The following POU6F2 variants were observed in gnomAD, a reference collection of about 807,000 sequenced individuals.
POU6F2 encodes POU class 6 homeobox 2, also known as POU domain, class 6, transcription factor 2.
A neutral mutation model predicts 71.3 loss-of-function variants in POU6F2; 31 were observed. The ratio of observed to expected loss-of-function variants is 0.43; its 90% CI spans 0.33 to 0.59. The LOEUF is 0.59. Ranked by LOEUF, POU6F2 falls within the 20% of genes least tolerant of loss-of-function variation. The pLI, the probability that POU6F2 is intolerant of heterozygous loss-of-function variation, is 0.04. For missense variants in POU6F2, 783 were observed against 856.8 expected, an observed-to-expected ratio of 0.91 and a Z score of 1.07; for synonymous variants, 347 against 355.7, an observed-to-expected ratio of 0.98 and a Z score of 0.27.
intron 2 of POU6F2, among the ~76,000 whole-genome samples, chr7:39,188,285 G>C (rs1562738895): frequency 2.0e-5 from 3 of 152,174 alleles, no homozygotes; most frequent in African/African-American, 7.2e-5. Context: ...GCACAAGTCA[G>C]TCAGATTCTA....
chr7:39,263,675 A>G (rs1269458614), intron 4 of POU6F2, among the ~76,000 whole-genome samples: 1 of 34,552 alleles, frequency 2.9e-5, no homozygotes, highest in Non-Finnish European at 7.1e-5. Flanking sequence ...ACACACACGC[A>G]CACACACACA....
intron 6 of POU6F2, among the ~76,000 whole-genome samples, chr7:39,431,994 C>T (rs1243613432): frequency 2.6e-5 from 4 of 152,160 alleles, no homozygotes; most frequent in Admixed American, 6.5e-5. Flanking sequence ...GCCAGTGCCA[C>T]GTCGCTTCTC....
rs1489962609 is a variant in POU6F2 at position 38,998,600 on chromosome 7, C to A, written c.105+20542C>A. Among the ~76,000 whole-genome samples the A allele has an allele frequency of 2.6e-5, 4 of 151,090 alleles. No individual in the cohort carries two copies. The East Asian group carries it at 7.7e-4, about 29-fold the overall frequency. ...CATGTTCTGTAAAGTATTTTCAATG[C>A]AAGGAGAATTTTAGGAAAATTTAAG... is the stretch of plus-strand genomic sequence containing the variant. On this transcript the variant is annotated intron_variant, in intron 1 of 9. Coordinates refer to ENST00000518318, the MANE Select transcript of POU6F2 (RefSeq NM_001370959.1).
At chr7:38,999,622 A>C (rs527501234) in intron 1 of POU6F2, among the ~76,000 whole-genome samples, 1 of 152,298 alleles carries the variant, frequency 6.6e-6, no homozygotes, top group African/African-American at 2.4e-5. Flanking sequence ...CAGAGGTGAC[A>C]ACTGTACAAT....
At chr7:39,079,889 T>C (rs959919853) in intron 1 of POU6F2, among the ~76,000 whole-genome samples, 1 of 152,230 alleles carries the variant, frequency 6.6e-6, no homozygotes, top group African/African-American at 2.4e-5. Flanking sequence ...AATTTTTGTC[T>C]GTTGAATATT....
chr7:39,254,617 A>G (rs1226792247), intron 4 of POU6F2, among the ~76,000 whole-genome samples: 1 of 152,138 alleles, frequency 6.6e-6, no homozygotes, highest in Non-Finnish European at 1.5e-5. Flanking sequence ...CTCCTTAGCA[A>G]ACTGTAGGAC....
chr7:39,081,124 A>T (rs1791110500), intron 1 of POU6F2, among the ~76,000 whole-genome samples: 1 of 152,352 alleles, frequency 6.6e-6, no homozygotes. Context: ...AGTATATAGT[A>T]AATCATATAT....
At chr7:39,176,632 T>C (rs1011928755) in intron 2 of POU6F2, among the ~76,000 whole-genome samples, 1 of 152,212 alleles carries the variant, frequency 6.6e-6, no homozygotes, top group African/African-American at 2.4e-5. Flanking sequence ...TTTTACATCA[T>C]GGCCTTCAAA....
rs200295432 is a variant in POU6F2 at position 39,020,525 on chromosome 7, A to G, written c.105+42467A>G. Among the ~76,000 whole-genome samples the G allele has an allele frequency of 3.3e-5, 5 of 152,268 alleles. No homozygotes were observed. The South Asian group carries it at 6.2e-4, about 19-fold the overall frequency. ...TCATTGCATTGCAGTCTCATCCATG[A>G]GTCCTTTTCATTACTTTATGTGGAA... On this transcript the variant is annotated intron_variant, in intron 1 of 9. Coordinates refer to ENST00000518318, the MANE Select transcript of POU6F2 (RefSeq NM_001370959.1).
At chr7:39,393,376 A>G (rs10951603) in intron 5 of POU6F2, among the ~76,000 whole-genome samples, 84,760 of 151,898 alleles carry the variant, frequency 0.56, 24,311 homozygotes, top group East Asian at 0.76. Flanking sequence ...TGTGGCAGAT[A>G]CTCCTGGAAT....
intron 5 of POU6F2, among the ~76,000 whole-genome samples, chr7:39,367,866 A>C (rs981955754): frequency 3.3e-5 from 5 of 152,174 alleles, no homozygotes; most frequent in African/African-American, 1.2e-4. Flanking sequence ...ATCTGTGGGC[A>C]GTGATCTTTG....
chr7:39,464,119 C>A lies in POU6F2; in HGVS notation c.1659-63C>A. ...CCTGCCAGGCAGTCAGGCAGGCAGG[C>A]AGGAGGCCCACCCTGGCAGAGGACT... is the stretch of plus-strand genomic sequence containing the variant. On this transcript the variant is annotated intron_variant, in intron 9 of 9. Transcript: ENST00000518318. This position sits in a 1 kb window ranked among gnomAD's most constrained non-coding sequence, Gnocchi z 4.1. 2 of 1,545,380 alleles carry A rather than the reference C, an allele frequency of 1.3e-6. No individual in the cohort carries two copies. Among genetic ancestry groups the A allele is most frequent in the Non-Finnish European group, 1.8e-6 (2 of 1,140,948 alleles).
At chr7:39,391,364 C>A (rs926512385) in intron 5 of POU6F2, among the ~76,000 whole-genome samples, 1 of 151,778 alleles carries the variant, frequency 6.6e-6, no homozygotes, top group Non-Finnish European at 1.5e-5. Flanking sequence ...ATTTTCTTTT[C>A]CTCCTTTTTT....
chr7:39,401,741 T>C (rs1284013838), intron 5 of POU6F2, among the ~76,000 whole-genome samples: 3 of 152,232 alleles, frequency 2.0e-5, no homozygotes, highest in Non-Finnish European at 4.4e-5. Context: ...AATGCGTTTA[T>C]GAATATCCTC....
At chr7:39,265,575 G>A (rs1784223646) in intron 4 of POU6F2, among the ~76,000 whole-genome samples, 1 of 152,178 alleles carries the variant, frequency 6.6e-6, no homozygotes, top group South Asian at 2.1e-4. Flanking sequence ...ATTTTAGAAT[G>A]TGCTATCAAA....
intron 4 of POU6F2, among the ~76,000 whole-genome samples, chr7:39,320,527 G>A (rs1025918038): frequency 6.6e-6 from 1 of 152,102 alleles, no homozygotes; most frequent in African/African-American, 2.4e-5. Context: ...TGCAGCCCTG[G>A]AGTTTCAGCA....
intron 2 of POU6F2, among the ~76,000 whole-genome samples, chr7:39,190,417 TAAAAAAAAAAAAAAA>T (rs57872350): frequency 1.7e-5 from 1 of 59,892 alleles, no homozygotes; most frequent in South Asian, 9.9e-4. Context: ...CTCCTTTTCT[TAAAAAAAAAAAAAAA>T]AAAAAAAAAA....
intron 2 of POU6F2, among the ~76,000 whole-genome samples, chr7:39,119,949 G>C (rs1792007859): frequency 1.3e-5 from 2 of 152,098 alleles, no homozygotes; most frequent in South Asian, 2.1e-4. Flanking sequence ...CTTGGGGTTG[G>C]GGAACACAAG....
Position 39,058,516 on chromosome 7 carries a change from G to T in POU6F2, c.106-27344G>T, listed in dbSNP as rs534085406. On this transcript the variant is annotated intron_variant, in intron 1 of 9. Coordinates refer to ENST00000518318, the MANE Select transcript of POU6F2 (RefSeq NM_001370959.1). ...GATACTGCAATTGTTATACATTTCCGCTAGAATTTGGGAAATCATCTTTTT... is the reference window on the plus strand; with the variant it reads ...GATACTGCAATTGTTATACATTTCCTCTAGAATTTGGGAAATCATCTTTTT... Among the ~76,000 whole-genome samples the T allele has an allele frequency of 2.6e-5, 4 of 152,218 alleles. No homozygotes were observed. In the South Asian group the frequency reaches 8.3e-4, roughly 32 times the overall value.
Sources: gnomAD v4.1 joint callset for allele counts (sites outside exome capture counted in the v4.1 genomes callset) on GRCh38, gnomAD v4.1.1 for gene constraint, Gnocchi (gnomAD v3.1) non-coding constraint, MANE v1.5 for transcripts, NCBI Gene and HGNC (gene_info 2026-07-23, HGNC 2026-07-21) for gene names.